Variants in TLR5 observed in about 807,000 individuals in gnomAD.
The protein encoded by TLR5 is toll-like receptor 5.
For missense variants in TLR5, 944 were observed against 999.8 expected (o/e 0.94, Z 0.75); for synonymous variants, 373 against 384.4 (o/e 0.97, Z 0.35).
In TLR5 at chr1:223,112,013, A is replaced by G. The variant is rs1251247453; in HGVS notation, c.1019T>C (p.Val340Ala). ...CAGAAGGTTATATGACAAATTGAGA[A>G]CTTGGAGGTTGTCAAGTCCGTAAAA... Reference protein sequence around the residue: ...EAFYGLDNLQVLNLSYNLLGE... With the variant: ...EAFYGLDNLQALNLSYNLLGE... The change falls in exon 6 of 6, where the codon GTT becomes GCT. Residue 340 changes from valine (V) to alanine (A), a missense_variant. Val to Ala is a moderately conservative substitution (Grantham distance 64). Coordinates refer to ENST00000642603, the MANE Select transcript of TLR5 (RefSeq NM_003268.6). 1.2e-6 allele frequency: 2 copies of G among 1,614,244 alleles called. No homozygotes were observed. Among genetic ancestry groups the G allele is most frequent in the African/African-American group, 1.3e-5 (1 of 75,060 alleles).
chr1:223,116,312 G>T (rs1656642765), intron 5 of TLR5, among the ~76,000 whole-genome samples: 1 of 152,088 alleles, frequency 6.6e-6, no homozygotes, highest in African/African-American at 2.4e-5. Flanking sequence ...TCTTCCTTCT[G>T]GGGGGCTCAT....
At chr1:223,136,524 C>T (rs1657620294) in intron 3 of TLR5, among the ~76,000 whole-genome samples, 1 of 152,178 alleles carries the variant, frequency 6.6e-6, no homozygotes. Flanking sequence ...ACACTCACTA[C>T]CCTTTTGGTT....
At position 223,132,477 on chromosome 1, in the gene TLR5, CGTT is replaced by C. The variant is rs1558131557; in HGVS notation, c.-10_-8del. On this transcript the variant is annotated 5_prime_UTR_variant, in exon 5 of 6. Transcript: ENST00000642603. ...ACATTTTTACCAGAAGCACTTACCT[CGTT>C]GTCCTAGCAGAAGGGACTTCTAGTA... 1 of 152,246 alleles carries C rather than the reference CGTT, an allele frequency of 6.6e-6. No homozygotes were observed. Among genetic ancestry groups the C allele is most frequent in the Non-Finnish European group, 1.5e-5 (1 of 68,022 alleles). 9.4% of individuals were successfully genotyped at this position (152,246 alleles called of 1,614,324 possible).
chr1:223,118,113 T>C (rs760100632), intron 5 of TLR5, among the ~76,000 whole-genome samples: 3 of 152,216 alleles, frequency 2.0e-5, no homozygotes, highest in Non-Finnish European at 2.9e-5. Flanking sequence ...TATACATTTT[T>C]GGGAGACATG....
intron 5 of TLR5, among the ~76,000 whole-genome samples, chr1:223,121,308 T>C (rs1349517271): frequency 1.3e-5 from 2 of 152,216 alleles, no homozygotes; most frequent in Admixed American, 6.5e-5. Flanking sequence ...AAATTATGTA[T>C]GTAGGTGGAT....
At chr1:223,130,529 C>T (rs914310974) in intron 5 of TLR5, among the ~76,000 whole-genome samples, 3 of 152,268 alleles carry the variant, frequency 2.0e-5, no homozygotes, top group Admixed American at 6.5e-5. Context: ...TTGGATGGGC[C>T]GGTCTGAGAA....
intron 5 of TLR5, among the ~76,000 whole-genome samples, chr1:223,117,367 C>T (rs1266523067): frequency 6.6e-6 from 1 of 151,914 alleles, no homozygotes; most frequent in Non-Finnish European, 1.5e-5. Flanking sequence ...CCTCAGCCAG[C>T]CCAGAGAGGG....
At chr1:223,116,435 C>T (rs571369921) in intron 5 of TLR5, among the ~76,000 whole-genome samples, 2 of 152,216 alleles carry the variant, frequency 1.3e-5, no homozygotes, top group South Asian at 4.2e-4. Context: ...TTCATTCCTC[C>T]CTGTGGGTTC....
chr1:223,135,101 C>T (rs1322793369), intron 3 of TLR5, among the ~76,000 whole-genome samples: 3 of 152,132 alleles, frequency 2.0e-5, no homozygotes, highest in African/African-American at 7.2e-5. Flanking sequence ...GCTTCCCAGG[C>T]AGATAAAATC....
Position 223,111,592 on chromosome 1 carries a change from A to T in TLR5, c.1440T>A (p.Leu480=). 6.2e-7 allele frequency: 1 copy of T among 1,614,200 alleles called. No individual in the cohort carries two copies. Among genetic ancestry groups the T allele is most frequent in the Non-Finnish European group, 8.5e-7 (1 of 1,180,032 alleles). The part of the protein sequence containing the change: ...SENPSLEQLF[L]GENMLQLAWE... Reference sequence around the variant, plus strand: ...AGGCAAGTTGCAACATATTTTCTCCAAGGAAAAGCTGTTCTAAGCTGGGAT... The same window carrying T: ...AGGCAAGTTGCAACATATTTTCTCCTAGGAAAAGCTGTTCTAAGCTGGGAT... Residue 480 remains leucine, a synonymous_variant, in exon 6 of 6, where the codon CTT becomes CTA. Coordinates refer to ENST00000642603, the MANE Select transcript of TLR5 (RefSeq NM_003268.6).
rs774157448 is a variant in TLR5, at chr1:223,116,209, G to C, written c.-4-3174C>G. On this transcript the variant is annotated intron_variant, in intron 5 of 5. Coordinates refer to ENST00000642603, the MANE Select transcript of TLR5 (RefSeq NM_003268.6). ...GTTCCTGGTCTCACTGACTTCAAGA[G>C]TGAAGTCGTGGACCCTCACGGTGAG... is the stretch of plus-strand genomic sequence containing the variant. Among the ~76,000 whole-genome samples the C allele has an allele frequency of 2.6e-5, 4 of 152,204 alleles. No homozygotes were observed. In the East Asian group the frequency reaches 7.7e-4, roughly 29 times the overall value.
At chr1:223,125,797 A>G (rs1221506177) in intron 5 of TLR5, among the ~76,000 whole-genome samples, 1 of 152,156 alleles carries the variant, frequency 6.6e-6, no homozygotes, top group African/African-American at 2.4e-5. Flanking sequence ...AAAAATTACA[A>G]ATTTAGTTGG....
chr1:223,129,469 C>A (rs917056948), intron 5 of TLR5: 1 of 152,304 alleles, frequency 6.6e-6, no homozygotes, highest in African/African-American at 2.4e-5. Context: ...CCGGAGCGCG[C>A]TGCTGCCCTC....
intron 2 of TLR5, among the ~76,000 whole-genome samples, chr1:223,138,982 T>C (rs894625916): frequency 6.6e-6 from 1 of 152,008 alleles, no homozygotes; most frequent in Non-Finnish European, 1.5e-5. Context: ...TAAATGGGAG[T>C]TCCCCTGCAC....
rs1389175690 is a variant in TLR5, at chr1:223,131,493, G to A, written c.-5+982C>T. On this transcript the variant is annotated intron_variant, in intron 5 of 5. Transcript: ENST00000642603. The surrounding 1 kb of genome is among the most constrained non-coding windows in gnomAD (Gnocchi z 4.2). ...TCCCATTCCAACTCCCCCGTCAAAG[G>A]CCACCTCAGAAGCCACCTCTGCCAT... Among the ~76,000 whole-genome samples, 1 of 152,182 alleles carries A rather than the reference G, an allele frequency of 6.6e-6. No individual in the cohort carries two copies. Among genetic ancestry groups the A allele is most frequent in the African/African-American group, 2.4e-5 (1 of 41,446 alleles).
chr1:223,116,809 C>T (rs1656677624), intron 5 of TLR5, among the ~76,000 whole-genome samples: 1 of 152,174 alleles, frequency 6.6e-6, no homozygotes, highest in Non-Finnish European at 1.5e-5. Context: ...TTGAGCTAGA[C>T]ACAGGGTGCT....
chr1:223,112,417 A>G lies in TLR5; in HGVS notation c.615T>C (p.Ala205=). The G allele has an allele frequency of 6.2e-7, 1 of 1,614,248 alleles. No individual in the cohort carries two copies. Among genetic ancestry groups the G allele is most frequent in the South Asian group, 1.1e-5 (1 of 91,092 alleles). Residue 205 remains alanine, a synonymous_variant, in exon 6 of 6, where the codon GCT becomes GCC. Coordinates refer to ENST00000642603, the MANE Select transcript of TLR5 (RefSeq NM_003268.6). ...GKTLSFFSLA[A]NSLYSRVSVD... is the part of the protein sequence containing the mutation. ...CTGAGACTCTGCTATACAAGCTATT[A>G]GCTGCGAGGCTAAAAAAGGAGAGCG... is the stretch of plus-strand genomic sequence containing the variant.
rs1339628892 is a variant in TLR5, at chr1:223,111,152, T to C, written c.1880A>G (p.Glu627Gly). The C allele has an allele frequency of 1.2e-6, 2 of 1,614,110 alleles. No homozygotes were observed. Among genetic ancestry groups the C allele is most frequent in the Non-Finnish European group, 1.7e-6 (2 of 1,180,002 alleles). Reference protein sequence around the residue: ...SGVSLFSLSTEGCDEEEVLKS... With the variant: ...SGVSLFSLSTGGCDEEEVLKS... ...TAAGACTTCCTCTTCATCACAACCT[T>C]CCGTGGAAAGAGAGAAGAGGGAAAC... Residue 627 changes from glutamate (E) to glycine (G), a missense_variant, in exon 6 of 6, where the codon GAA (glutamate) becomes GGA (glycine). Coordinates refer to ENST00000642603, the MANE Select transcript of TLR5 (RefSeq NM_003268.6).
At chr1:223,116,912 C>T (rs901356747) in intron 5 of TLR5, among the ~76,000 whole-genome samples, 7 of 152,354 alleles carry the variant, frequency 4.6e-5, no homozygotes, top group African/African-American at 9.6e-5. Context: ...TAGTGGATCC[C>T]GCGTCAGGGC....
Sources: allele counts gnomAD v4.1 joint callset (sites outside exome capture counted in the v4.1 genomes callset), GRCh38; gene constraint gnomAD v4.1.1; non-coding constraint Gnocchi (gnomAD v3.1); transcripts MANE v1.5; gene names NCBI Gene and HGNC (gene_info 2026-07-23, HGNC 2026-07-21).